OXCT1: variants seen among roughly 807,000 people sequenced by gnomAD.
OXCT1 encodes succinyl-CoA:3-ketoacid coenzyme A transferase 1, mitochondrial.
In OXCT1, 27 loss-of-function variants were observed where a neutral mutation model predicts 69.6. That is an observed-to-expected ratio of 0.39 (90% CI 0.29 to 0.54). The LOEUF is 0.54. Among genes scored for constraint, OXCT1 ranks in the 20% least tolerant of loss-of-function variants. The pLI, the probability that OXCT1 is intolerant of heterozygous loss-of-function variation, is 0.72. For missense variants in OXCT1, 437 were observed against 650.2 expected (o/e 0.67, Z 3.57); for synonymous variants, 202 against 217.8 (o/e 0.93, Z 0.64).
At chr5:41,831,478 T>C (rs1307624974) in intron 7 of OXCT1, among the ~76,000 whole-genome samples, 3 of 152,206 alleles carry the variant, frequency 2.0e-5, no homozygotes, top group Non-Finnish European at 4.4e-5. Flanking sequence ...TCAAATATAC[T>C]ACATATTTTA....
At position 41,759,757 on chromosome 5, in the gene OXCT1, C is replaced by A. The variant is rs536576435; in HGVS notation, c.1338+2354G>T. Among the ~76,000 whole-genome samples the A allele has an allele frequency of 1.7e-4, 26 of 152,136 alleles. No homozygotes were observed. The East Asian group carries it at 5.0e-3, about 29-fold the overall frequency. The stretch of plus-strand genomic sequence containing the variant: ...ACCTGCAAATTAACTGTAACCCTAT[C>A]GATAAGGAAATAGATAGCCCTACCC... On this transcript the variant is annotated intron_variant, in intron 14 of 16. Transcript: ENST00000196371.
At position 41,807,359 on chromosome 5, in the gene OXCT1, T is replaced by C. The variant is rs757407425; in HGVS notation, c.812A>G (p.Lys271Arg). ...AATTCTTTTCTCATATTTTTCTCCC[T>C]TTATAAGGCGATGTACATAAATCTG... is the stretch of plus-strand genomic sequence containing the variant. ...IPQIYVHRLI[K>R]GEKYEKRIER... The change falls in exon 8 of 17, where the codon AAG becomes AGG. Residue 271 changes from lysine to arginine, a missense_variant. Around this residue, in one of 4 missense-constraint regions of OXCT1, gnomAD observed 252 missense variants for 397.4 expected, o/e 0.63. Coordinates refer to ENST00000196371, the MANE Select transcript of OXCT1 (RefSeq NM_000436.4). 3.1e-6 allele frequency: 5 copies of C among 1,591,800 alleles called. No individual in the cohort carries two copies. The highest frequency in any genetic ancestry group is 1.7e-4 in the Middle Eastern group (1 of 6,008).
At chr5:41,824,319 T>C (rs916006847) in intron 7 of OXCT1, among the ~76,000 whole-genome samples, 4 of 152,226 alleles carry the variant, frequency 2.6e-5, no homozygotes, top group African/African-American at 7.2e-5. Context: ...TTCATAATTA[T>C]TAGGCTATAT....
Position 41,794,040 on chromosome 5 carries a change from A to G in OXCT1, c.1211T>C (p.Val404Ala). The change falls in exon 13 of 17, where the codon GTT becomes GCT. Residue 404 changes from valine to alanine, a missense_variant. Val to Ala is a moderately conservative substitution (Grantham distance 64). Coordinates refer to ENST00000196371, the MANE Select transcript of OXCT1 (RefSeq NM_000436.4). The part of the protein sequence containing the change: ...VDLTMLGAMQ[V>A]SKYGDLANWM... ...GTTAGCCAGGTCACCATATTTGGAA[A>G]CCTGCATCGCTCCTAGCATTGTCAG... 1 of 1,613,458 alleles carries G rather than the reference A, an allele frequency of 6.2e-7. No individual in the cohort carries two copies. Among genetic ancestry groups the G allele is most frequent in the Non-Finnish European group, 8.5e-7 (1 of 1,179,386 alleles).
intron 13 of OXCT1, among the ~76,000 whole-genome samples, chr5:41,769,327 T>A (rs1744769015): frequency 6.6e-6 from 1 of 152,046 alleles, no homozygotes; most frequent in Admixed American, 6.6e-5. Flanking sequence ...CAAGACCCCA[T>A]GCAGCTATGA....
chr5:41,844,341 T>C (rs35328989), intron 5 of OXCT1, among the ~76,000 whole-genome samples: 3,980 of 152,288 alleles, frequency 0.026, 79 homozygotes, highest in South Asian at 0.043. Context: ...CCTCTGTTTT[T>C]GCAAATCCAA....
chr5:41,749,499 T>TTA (rs1304689542), intron 15 of OXCT1, 28 bp downstream of exon 15: 11 of 1,437,140 alleles, frequency 7.7e-6, no homozygotes, highest in Non-Finnish European at 9.8e-6. Context: ...ACTTAAAACA[T>TTA]GGTAATAGTA....
chr5:41,809,795 C>G (rs576420266), intron 7 of OXCT1, among the ~76,000 whole-genome samples: 74 of 152,154 alleles, frequency 4.9e-4, no homozygotes, highest in African/African-American at 1.7e-3. Flanking sequence ...TCATAACTCT[C>G]AGAACTAACA....
chr5:41,742,809 C>A (rs1036189238), intron 15 of OXCT1, among the ~76,000 whole-genome samples: 2 of 152,198 alleles, frequency 1.3e-5, no homozygotes, highest in Admixed American at 6.5e-5. Context: ...GACATGAACT[C>A]ATCCTTTTTT....
intron 3 of OXCT1, among the ~76,000 whole-genome samples, chr5:41,854,553 GA>G (rs1170293750): frequency 6.6e-6 from 1 of 151,842 alleles, no homozygotes; most frequent in Non-Finnish European, 1.5e-5. Context: ...TCTAAGATAA[GA>G]ATACTTGACC....
chr5:41,746,967 T>C (rs1413768137), intron 15 of OXCT1, among the ~76,000 whole-genome samples: 1 of 152,162 alleles, frequency 6.6e-6, no homozygotes, highest in Non-Finnish European at 1.5e-5. Context: ...TCCTATGGTT[T>C]AGAATTTTGA....
intron 6 of OXCT1, among the ~76,000 whole-genome samples, chr5:41,841,132 GT>G (rs1290207747): frequency 3.3e-5 from 5 of 152,142 alleles, no homozygotes; most frequent in Non-Finnish European, 7.4e-5. Context: ...TTTGCCGATG[GT>G]TTTGCACTCT....
Position 41,870,149 on chromosome 5 carries a change from G to A in OXCT1, c.78+132C>T, listed in dbSNP as rs961629531. ...ACGCGTCGCCGCGTGTCCGTGACCA[G>A]GGCACCGCGCCACGGATGCCAGATC... On this transcript the variant is annotated intron_variant, in intron 1 of 16. Coordinates refer to ENST00000196371, the MANE Select transcript of OXCT1 (RefSeq NM_000436.4). This position sits in a 1 kb window ranked among gnomAD's most constrained non-coding sequence, Gnocchi z 4.2. 1.3e-5 allele frequency: 10 copies of A among 778,942 alleles called. No individual in the cohort carries two copies. The highest frequency in any genetic ancestry group is 2.7e-5 in the East Asian group (1 of 37,354). 48.3% of individuals were successfully genotyped at this position (778,942 alleles called of 1,614,324 possible).
rs1166751975 is a variant in OXCT1 at position 41,842,719 on chromosome 5, C to T, written c.627G>A (p.Leu209=). The T allele has an allele frequency of 6.2e-7, 1 of 1,613,810 alleles. No homozygotes were observed. The highest frequency in any genetic ancestry group is 1.3e-5 in the African/African-American group (1 of 74,916). ...LEEAITGDFA[L]VKAWKADRAG... is the part of the protein sequence containing the mutation. ...CTCGGTCCGCCTTCCAGGCTTTCACCAAAGCAAAATCCCCTGTAATTGCTT... is the reference window on the plus strand; with the variant it reads ...CTCGGTCCGCCTTCCAGGCTTTCACTAAAGCAAAATCCCCTGTAATTGCTT... Residue 209 remains leucine, a synonymous_variant, in exon 6 of 17, where the codon TTG becomes TTA. Coordinates refer to ENST00000196371, the MANE Select transcript of OXCT1 (RefSeq NM_000436.4).
intron 7 of OXCT1, among the ~76,000 whole-genome samples, chr5:41,815,641 T>C (rs1747200385): frequency 6.6e-6 from 1 of 152,186 alleles, no homozygotes; most frequent in South Asian, 2.1e-4. Flanking sequence ...TTAAAATGAA[T>C]ACATCTACCC....
chr5:41,853,516 T>C lies in OXCT1; in HGVS notation c.317A>G (p.Lys106Arg), dbSNP rs754919844. The change falls in exon 4 of 17, where the codon AAG becomes AGG. Residue 106 changes from lysine to arginine, a missense_variant. Lys to Arg is a conservative substitution (Grantham distance 26). Coordinates refer to ENST00000196371, the MANE Select transcript of OXCT1 (RefSeq NM_000436.4). Reference sequence around the variant, plus strand: ...TGAAGAGACCATGCGTTTTATCTGCTTGGACCGAAGCAAAAGCCCCAAACC... The same window carrying C: ...TGAAGAGACCATGCGTTTTATCTGCCTGGACCGAAGCAAAAGCCCCAAACC... ...NFGLGLLLRS[K>R]QIKRMVSSYV... is the part of the protein sequence containing the mutation. 9 of 1,613,998 alleles carry C rather than the reference T, an allele frequency of 5.6e-6. 1 individual carries two copies. The South Asian group carries it at 8.8e-5, about 16-fold the overall frequency.
At chr5:41,819,572 A>T (rs952320273) in intron 7 of OXCT1, among the ~76,000 whole-genome samples, 1 of 150,998 alleles carries the variant, frequency 6.6e-6, no homozygotes, top group Admixed American at 6.6e-5. Context: ...GTTTCGCCAC[A>T]TTTGCCAGGC....
rs563770424 is a variant in OXCT1 at position 41,765,990 on chromosome 5, A to G, written c.1249-3790T>C. On this transcript the variant is annotated intron_variant, in intron 13 of 16. Transcript: ENST00000196371. Reference sequence around the variant, plus strand: ...TTAAATAAGTCACAGAGGGAAAGTGATACTTGGGGAAAATAGGCCTATAAT... The same window carrying G: ...TTAAATAAGTCACAGAGGGAAAGTGGTACTTGGGGAAAATAGGCCTATAAT... Among the ~76,000 whole-genome samples, 3 of 152,278 alleles carry G rather than the reference A, an allele frequency of 2.0e-5. No homozygotes were observed. In the South Asian group the frequency reaches 6.2e-4, roughly 32 times the overall value.
At chr5:41,817,018 T>G (rs1272879566) in intron 7 of OXCT1, among the ~76,000 whole-genome samples, 1 of 152,128 alleles carries the variant, frequency 6.6e-6, no homozygotes, top group Admixed American at 6.5e-5. Flanking sequence ...CTACCATGAG[T>G]AAAGCTGATC....
Sources: allele counts gnomAD v4.1 joint callset (sites outside exome capture counted in the v4.1 genomes callset), GRCh38; gene constraint gnomAD v4.1.1; regional missense constraint gnomAD v4.1.1; non-coding constraint Gnocchi (gnomAD v3.1); transcripts MANE v1.5; gene names NCBI Gene and HGNC (gene_info 2026-07-23, HGNC 2026-07-21).